The following A2M variants were observed in gnomAD, a reference collection of about 807,000 sequenced individuals.
The protein encoded by A2M is C3 and PZP-like alpha-2-macroglobulin domain-containing protein 5.
In A2M, 128 loss-of-function variants were observed where a neutral mutation model predicts 183.9. The ratio of observed to expected loss-of-function variants is 0.70; its 90% CI spans 0.60 to 0.81. A2M has a LOEUF of 0.81. Among genes scored for constraint, A2M ranks in the 30% least tolerant of loss-of-function variants. The probability of loss-of-function intolerance (pLI) is 0.00; values close to 1 mark genes in which losing one functional copy is unlikely to be tolerated. For missense variants in A2M, 1,495 were observed against 1,787.6 expected, an observed-to-expected ratio of 0.84 and a Z score of 2.95; for synonymous variants, 592 against 670.8, an observed-to-expected ratio of 0.88 and a Z score of 1.81.
At chr12:9,070,783 T>C (rs1948548123) in intron 31 of A2M, among the ~76,000 whole-genome samples, 2 of 151,972 alleles carry the variant, frequency 1.3e-5, no homozygotes, top group Non-Finnish European at 2.9e-5. Context: ...ACTCTAGACC[T>C]GATGAATCAG....
At chr12:9,078,911 A>G (rs1948825072) in intron 25 of A2M, among the ~76,000 whole-genome samples, 1 of 152,238 alleles carries the variant, frequency 6.6e-6, no homozygotes, top group East Asian at 1.9e-4. Flanking sequence ...AGCTGAAGTT[A>G]ACATGGTTTA....
intron 23 of A2M, 114 bp downstream of exon 23, chr12:9,079,979 GA>G: frequency 2.2e-6 from 2 of 928,926 alleles, no homozygotes; most frequent in South Asian, 5.2e-5. Context: ...GCCCAAAGAA[GA>G]AGAGAAGAAA....
In A2M at chr12:9,090,365, T is replaced by C. The variant is rs1949173130; in HGVS notation, c.2587A>G (p.Lys863Glu). The change falls in exon 20 of 36, where the codon AAG becomes GAG. Residue 863 changes from lysine (K) to glutamate (E), a missense_variant. Lys to Glu is a moderately conservative substitution (Grantham distance 56). Transcript: ENST00000318602. The part of the protein sequence containing the change: ...RQTVSWAVTP[K>E]SLGNVNFTVS... ...GCAGTTTTTTGCTCACCTAATGACT[T>C]TGGGGTTACTGCCCAGGACACAGTT... is the stretch of plus-strand genomic sequence containing the variant. 6.2e-7 allele frequency: 1 copy of C among 1,613,994 alleles called. No individual in the cohort carries two copies. Among genetic ancestry groups the C allele is most frequent in the Non-Finnish European group, 8.5e-7 (1 of 1,179,880 alleles).
intron 25 of A2M, among the ~76,000 whole-genome samples, chr12:9,078,792 T>C (rs765022175): frequency 6.6e-6 from 1 of 152,354 alleles, no homozygotes; most frequent in South Asian, 2.1e-4. Flanking sequence ...ATTGCTTTAC[T>C]TTAGGGATTT....
chr12:9,085,367 A>C (rs928457886), intron 22 of A2M, among the ~76,000 whole-genome samples: 1 of 152,174 alleles, frequency 6.6e-6, no homozygotes, highest in Non-Finnish European at 1.5e-5. Flanking sequence ...GGAATTAGAA[A>C]AAATTCACAA....
At chr12:9,113,750 A>C (rs1024407065) in intron 1 of A2M, among the ~76,000 whole-genome samples, 5 of 152,114 alleles carry the variant, frequency 3.3e-5, no homozygotes, top group South Asian at 2.1e-4. Flanking sequence ...ATTTTACTTG[A>C]GGTAGGTCTT....
At chr12:9,092,310 T>C (rs1159597813) in intron 18 of A2M, among the ~76,000 whole-genome samples, 1 of 152,106 alleles carries the variant, frequency 6.6e-6, no homozygotes, top group East Asian at 1.9e-4. Context: ...ATCACCTAGC[T>C]CCAGGAGTAG....
rs1284755473 is a variant in A2M at position 9,106,519 on chromosome 12, A to C, written c.966T>G (p.Thr322=). ...TTCCTTCTTCTTGGATCTGGGCCTCAGTGTGAAGTTTCATTTCATACTCCT... is the reference window on the plus strand; with the variant it reads ...TTCCTTCTTCTTGGATCTGGGCCTCCGTGTGAAGTTTCATTTCATACTCCT... ...KRKEYEMKLH[T]EAQIQEEGTV... The change falls in exon 9 of 36, where the codon ACT becomes ACG. Residue 322 remains threonine (T), a synonymous_variant. Transcript: ENST00000318602. 1 of 1,598,252 alleles carries C rather than the reference A, an allele frequency of 6.3e-7. No homozygotes were observed. The highest frequency in any genetic ancestry group is 2.2e-5 in the East Asian group (1 of 44,644).
rs748580295 is a variant in A2M, at chr12:9,110,035, C to T, written c.505G>A (p.Asp169Asn). Residue 169 changes from aspartate to asparagine, a missense_variant and splice_region_variant, in exon 6 of 36, where the codon GAT becomes AAT. Asp to Asn is a conservative substitution (Grantham distance 23). Coordinates refer to ENST00000318602, the MANE Select transcript of A2M (RefSeq NM_000014.6). ...NELIPLVYIQDPKGNRIAQWQ... is the reference protein window; with the variant it reads ...NELIPLVYIQNPKGNRIAQWQ... ...TGTGCGATGCGATTTCCTTTGGGATCCTATATGAGTAAATTAATTATAACT... is the reference window on the plus strand; with the variant it reads ...TGTGCGATGCGATTTCCTTTGGGATTCTATATGAGTAAATTAATTATAACT... The T allele has an allele frequency of 1.2e-6, 2 of 1,605,774 alleles. No individual in the cohort carries two copies. Among genetic ancestry groups the T allele is most frequent in the Non-Finnish European group, 8.5e-7 (1 of 1,177,356 alleles).
chr12:9,111,328 T>C (rs758134289), intron 4 of A2M, among the ~76,000 whole-genome samples: 20 of 152,150 alleles, frequency 1.3e-4, no homozygotes, highest in African/African-American at 4.8e-4. Context: ...TATAGAATGG[T>C]GGTAAGTGCA....
Position 9,109,890 on chromosome 12 carries a change from T to G in A2M, c.650A>C (p.His217Pro). The change falls in exon 6 of 36, where the codon CAC becomes CCC. Residue 217 changes from histidine (H) to proline (P), a missense_variant. Physicochemically the swap from His to Pro is moderately conservative, Grantham distance 77. Transcript: ENST00000318602. ...ACCAAATTCCTCCACGGTGAAAGGG[T>G]GCTCTGTCCTTCCACCTGATTTCTT... ...VQKKSGGRTE[H>P]PFTVEEFVLP... is the part of the protein sequence containing the mutation. 1 of 1,609,144 alleles carries G rather than the reference T, an allele frequency of 6.2e-7. No homozygotes were observed. The highest frequency in any genetic ancestry group is 8.5e-7 in the Non-Finnish European group (1 of 1,178,076).
chr12:9,110,497 C>T (rs1362511183), intron 4 of A2M, among the ~76,000 whole-genome samples, 163 bp from the exon 5 acceptor site: 1 of 151,792 alleles, frequency 6.6e-6, no homozygotes, highest in Admixed American at 6.6e-5. Flanking sequence ...TGGATTTGTT[C>T]GTAACACAAA....
chr12:9,089,139 G>A, intron 22 of A2M, 61 bp downstream of exon 22: 1 of 1,266,380 alleles, frequency 7.9e-7, no homozygotes. Flanking sequence ...ATATATAAAT[G>A]TTCTTTGAAC....
intron 6 of A2M, 53 bp downstream of exon 6, chr12:9,109,814 A>G (rs1320116769): frequency 6.6e-7 from 1 of 1,512,874 alleles, no homozygotes; most frequent in Non-Finnish European, 8.9e-7. Context: ...TCCAGGACCT[A>G]AGAGTTTAAA....
intron 18 of A2M, among the ~76,000 whole-genome samples, chr12:9,092,444 C>T (rs762487678): frequency 6.6e-6 from 1 of 151,858 alleles, no homozygotes; most frequent in Non-Finnish European, 1.5e-5. Flanking sequence ...ACAGAGAGAA[C>T]AGGCAAAATC....
chr12:9,073,967 A>C (rs1211674759), intron 29 of A2M, among the ~76,000 whole-genome samples: 1 of 152,030 alleles, frequency 6.6e-6, no homozygotes, highest in East Asian at 1.9e-4. Flanking sequence ...ACATGACTGT[A>C]ATCCTAGATA....
At chr12:9,075,877 T>C (rs1309948249) in intron 28 of A2M, among the ~76,000 whole-genome samples, 2 of 152,238 alleles carry the variant, frequency 1.3e-5, no homozygotes, top group Non-Finnish European at 2.9e-5. Context: ...GAGAGAGTTG[T>C]ACAGTGTTTT....
intron 18 of A2M, among the ~76,000 whole-genome samples, chr12:9,092,510 G>A (rs755895980): frequency 5.9e-5 from 9 of 152,156 alleles, no homozygotes; most frequent in Non-Finnish European, 1.0e-4. Context: ...GCATCTGGGA[G>A]TGAAAGGGAG....
intron 23 of A2M, 45 bp from the exon 24 acceptor site, chr12:9,079,860 C>A (rs1451978546): frequency 1.4e-6 from 2 of 1,471,112 alleles, no homozygotes; most frequent in Non-Finnish European, 1.8e-6. Context: ...TGGAGATTAT[C>A]ATCTATCAAA....
Sources: allele counts gnomAD v4.1 joint callset (sites outside exome capture counted in the v4.1 genomes callset), GRCh38; gene constraint gnomAD v4.1.1; transcripts MANE v1.5; gene names NCBI Gene and HGNC (gene_info 2026-07-23, HGNC 2026-07-21).